IGBP1: variants seen among roughly 807,000 people sequenced by gnomAD.
IGBP1 encodes immunoglobulin-binding protein 1.
A neutral mutation model predicts 25.9 loss-of-function variants in IGBP1; 2 were observed. The ratio of observed to expected loss-of-function variants is 0.08; its 90% CI spans 0.03 to 0.24. IGBP1 has a LOEUF of 0.24. Among genes scored for constraint, IGBP1 ranks in the 10% least tolerant of loss-of-function variants. The pLI, the probability that IGBP1 is intolerant of heterozygous loss-of-function variation, is 1.00. For missense variants in IGBP1, 187 were observed against 260.4 expected, an observed-to-expected ratio of 0.72 and a Z score of 1.94; for synonymous variants, 96 against 93.4, an observed-to-expected ratio of 1.03 and a Z score of -0.16.
intron 3 of IGBP1, among the ~76,000 whole-genome samples, chrX:70,144,804 C>T (rs766655855): frequency 9.3e-4 from 99 of 106,537 alleles, no homozygotes; most frequent in African/African-American, 3.2e-3. Context: ...GAATTACAGG[C>T]GCCTGCCACC....
chrX:70,160,509 T>C (rs1290186162), intron 6 of IGBP1, among the ~76,000 whole-genome samples: 1 of 112,123 alleles, frequency 8.9e-6, no homozygotes, highest in East Asian at 2.8e-4. Flanking sequence ...TTATACCTGG[T>C]AAAACTGACT....
chrX:70,142,796 G>A (rs910644665), intron 3 of IGBP1, among the ~76,000 whole-genome samples: 4 of 110,057 alleles, frequency 3.6e-5, no homozygotes, highest in Admixed American at 1.9e-4. Context: ...TCCAGCCTGC[G>A]CAACGAAGTG....
chrX:70,165,946 C>G lies in IGBP1; in HGVS notation c.985C>G (p.Pro329Ala). The G allele has an allele frequency of 8.3e-7, 1 of 1,210,755 alleles. No homozygotes were observed. The highest frequency in any genetic ancestry group is 1.1e-6 in the Non-Finnish European group (1 of 894,795). The change falls in exon 7 of 7, where the codon CCT (proline) becomes GCT (alanine). Residue 329 changes from proline (P) to alanine (A), a missense_variant. By Grantham distance (27) the Pro-to-Ala change is conservative (BLOSUM62 -1). Transcript: ENST00000356413. ...GTGGGATGACTGGAAGGACACCCAT[C>G]CTAGGGGCTATGGGAACCGACAGAA... ...REWDDWKDTH[P>A]RGYGNRQNMG is the part of the protein sequence containing the mutation.
intron 6 of IGBP1, chrX:70,164,920 G>A (rs2085289185): frequency 9.0e-6 from 1 of 111,728 alleles, no homozygotes; most frequent in South Asian, 3.8e-4. Flanking sequence ...AATTAGCCAA[G>A]TGTGGTGGTT....
chrX:70,143,959 AG>A (rs1305346960), intron 3 of IGBP1, among the ~76,000 whole-genome samples: 1 of 112,553 alleles, frequency 8.9e-6, no homozygotes, highest in African/African-American at 3.2e-5. Flanking sequence ...AGGCTAAGGC[AG>A]GCAGATCATC....
At chrX:70,138,011 C>A (rs1449682529) in intron 3 of IGBP1, among the ~76,000 whole-genome samples, 2 of 108,817 alleles carry the variant, frequency 1.8e-5, no homozygotes, top group Non-Finnish European at 3.8e-5. Flanking sequence ...TGATGCACTC[C>A]TGTAATCCCA....
At chrX:70,142,648 GTC>G (rs1229398691) in intron 3 of IGBP1, among the ~76,000 whole-genome samples, 2 of 109,197 alleles carry the variant, frequency 1.8e-5, no homozygotes, top group African/African-American at 6.7e-5. Flanking sequence ...TGAGACCCCC[GTC>G]TCTACAAAAA....
chrX:70,135,603 C>A (rs1602659105), intron 3 of IGBP1, among the ~76,000 whole-genome samples: 1 of 111,381 alleles, frequency 9.0e-6, no homozygotes. Context: ...ATAGGAATAT[C>A]CAGGGGAAGA....
At position 70,150,217 on chromosome X, in the gene IGBP1, G is replaced by C. The variant is rs1395806008; in HGVS notation, c.766G>C (p.Gly256Arg). The C allele has an allele frequency of 1.7e-5, 20 of 1,162,050 alleles. No individual in the cohort carries two copies. Among genetic ancestry groups the C allele is most frequent in the Non-Finnish European group, 2.3e-5 (20 of 852,626 alleles). The change falls in exon 6 of 7, where the codon GGA (glycine) becomes CGA (arginine). Residue 256 changes from glycine to arginine, a missense_variant. Physicochemically the swap from Gly to Arg is moderately radical, Grantham distance 125. Coordinates refer to ENST00000356413, the MANE Select transcript of IGBP1 (RefSeq NM_001551.3). ...TRNMAQAKVF[G>R]AGYPSLPTMT... ...GCAGCGTAATTTTTGCAGAGTATTT[G>C]GAGCTGGTTATCCAAGTCTGCCAAC...
At chrX:70,140,068 A>G (rs1380953058) in intron 3 of IGBP1, among the ~76,000 whole-genome samples, 2 of 112,479 alleles carry the variant, frequency 1.8e-5, no homozygotes, top group East Asian at 5.6e-4. Context: ...TTTCCAGATC[A>G]GTCTCTTTAA....
intron 6 of IGBP1, among the ~76,000 whole-genome samples, chrX:70,151,490 TAAC>T (rs1049983350): frequency 2.7e-5 from 3 of 111,473 alleles, no homozygotes; most frequent in South Asian, 7.6e-4. Flanking sequence ...TTGATCCTCT[TAAC>T]AACTTCATGA....
intron 3 of IGBP1, among the ~76,000 whole-genome samples, chrX:70,135,398 T>A (rs745720327): frequency 9.0e-5 from 10 of 111,715 alleles, no homozygotes; most frequent in Non-Finnish European, 1.9e-4. Flanking sequence ...GTATGAGTGG[T>A]CCCTGCCTTG....
At chrX:70,148,545 TTC>T in intron 4 of IGBP1, 1 of 400,739 alleles carries the variant, frequency 2.5e-6, no homozygotes, top group Non-Finnish European at 4.4e-6. Flanking sequence ...TGGGAGAACT[TTC>T]TCTTTCTTTC....
intron 3 of IGBP1, among the ~76,000 whole-genome samples, chrX:70,142,087 CT>C (rs751283720): frequency 3.6e-5 from 4 of 111,908 alleles, no homozygotes; most frequent in African/African-American, 1.3e-4. Flanking sequence ...AATCCCAGCA[CT>C]TTGGGAGGAC....
At chrX:70,144,818 T>C (rs1453958199) in intron 3 of IGBP1, among the ~76,000 whole-genome samples, 2 of 106,887 alleles carry the variant, frequency 1.9e-5, no homozygotes, top group East Asian at 2.9e-4. Context: ...TGCCACCACA[T>C]CCAGCTAATT....
At chrX:70,137,790 G>A (rs1451841123) in intron 3 of IGBP1, among the ~76,000 whole-genome samples, 1 of 106,356 alleles carries the variant, frequency 9.4e-6, no homozygotes, top group African/African-American at 3.4e-5. Context: ...AGAAAGATGA[G>A]GGAGTGGTCA....
At chrX:70,135,211 C>T (rs1464598851) in intron 3 of IGBP1, among the ~76,000 whole-genome samples, 1 of 112,158 alleles carries the variant, frequency 8.9e-6, no homozygotes, top group East Asian at 2.8e-4. Context: ...TGTGTAACAT[C>T]CTGAACTGAT....
intron 3 of IGBP1, among the ~76,000 whole-genome samples, chrX:70,143,825 G>T (rs1188154866): frequency 8.9e-6 from 1 of 112,379 alleles, no homozygotes; most frequent in Non-Finnish European, 1.9e-5. Context: ...CTCATTAGAA[G>T]AAAAGGTTCT....
chrX:70,145,351 A>G (rs900931518), intron 3 of IGBP1, among the ~76,000 whole-genome samples: 11 of 111,059 alleles, frequency 9.9e-5, no homozygotes, highest in African/African-American at 3.3e-4. Flanking sequence ...ACATCCCACT[A>G]TCTCCATCAC....
Sources: allele counts gnomAD v4.1 joint callset (sites outside exome capture counted in the v4.1 genomes callset), GRCh38; gene constraint gnomAD v4.1.1; transcripts MANE v1.5; gene names NCBI Gene and HGNC (gene_info 2026-07-23, HGNC 2026-07-21).